Variants in CDHR4 observed in about 807,000 individuals in gnomAD.
CDHR4 encodes cadherin related family member 4.
A neutral mutation model predicts 88.4 loss-of-function variants in CDHR4; 89 were observed. That is an observed-to-expected ratio of 1.01 (90% CI 0.85 to 1.20). CDHR4 has a LOEUF of 1.20. CDHR4 is among the 50% of genes most tolerant of loss of function. CDHR4 has a pLI of 0.00. For missense variants in CDHR4, 914 were observed against 1,007.2 expected, an observed-to-expected ratio of 0.91 and a Z score of 1.25; for synonymous variants, 368 against 399.2, an observed-to-expected ratio of 0.92 and a Z score of 0.93.
At chr3:49,799,664 T>A in intron 1 of CDHR4, 100 bp downstream of exon 1, 1 of 1,347,582 alleles carries the variant, frequency 7.4e-7, no homozygotes, top group Non-Finnish European at 1.0e-6. Flanking sequence ...TCTTACACTT[T>A]CCTACCTCTC....
In CDHR4 at chr3:49,795,460, T is replaced by C. The variant is rs2108282947; in HGVS notation, c.848-81A>G. 1 of 1,507,596 alleles carries C rather than the reference T, an allele frequency of 6.6e-7. No homozygotes were observed. Among genetic ancestry groups the C allele is most frequent in the Non-Finnish European group, 8.9e-7 (1 of 1,123,522 alleles). 93.4% of individuals were successfully genotyped at this position (1,507,596 alleles called of 1,614,324 possible). ...CCGCCTCCCAGCTCAGTCCCACTCC[T>C]GCCAGCCCACCAGATCCATAGGCAA... On this transcript the variant is annotated intron_variant, in intron 7 of 18. Coordinates refer to ENST00000412678, the MANE Select transcript of CDHR4 (RefSeq NM_001007540.4). This position sits in a 1 kb window ranked among gnomAD's most constrained non-coding sequence, Gnocchi z 5.4.
upstream of CDHR4, among the ~76,000 whole-genome samples, chr3:49,801,919 C>T (rs2081366156): frequency 6.6e-6 from 1 of 152,190 alleles, no homozygotes; most frequent in Non-Finnish European, 1.5e-5. Flanking sequence ...CATTCCTGCT[C>T]AAAGGCCCCC....
In CDHR4 at chr3:49,799,779, CAA is replaced by C; in HGVS notation, c.32_33del (p.Phe11CysfsTer6). MVLLRLLVFL[F>X]APVVSDLCSL... The stretch of plus-strand genomic sequence containing the variant: ...ACCTCCTCACCAGAGACCACCGGAG[CAA>C]AGAGGAACACGAGGAGCCTGAGCAG... On this transcript the variant is annotated frameshift_variant, in exon 1 of 19. Transcript: ENST00000412678. LOFTEE classifies it high-confidence loss of function. 2 of 1,613,978 alleles carry C rather than the reference CAA, an allele frequency of 1.2e-6. No individual in the cohort carries two copies. Among genetic ancestry groups the C allele is most frequent in the Non-Finnish European group, 1.7e-6 (2 of 1,179,858 alleles).
At position 49,794,941 on chromosome 3, in the gene CDHR4, G is replaced by A; in HGVS notation, c.1185+6C>T. 1 of 1,551,654 alleles carries A rather than the reference G, an allele frequency of 6.4e-7. No homozygotes were observed. The highest frequency in any genetic ancestry group is 1.4e-5 in the African/African-American group (1 of 73,174). ...GCAAGTGGGTCTGGGAGCTGGGGCT[G>A]GGCACCTCAAGGACTCTGTCATAAA... is the stretch of plus-strand genomic sequence containing the variant. On this transcript the variant is annotated splice_donor_region_variant and intron_variant, in intron 9 of 18. Coordinates refer to ENST00000412678, the MANE Select transcript of CDHR4 (RefSeq NM_001007540.4).
Position 49,795,910 on chromosome 3 carries a change from C to A in CDHR4, c.710+33G>T. The A allele has an allele frequency of 6.6e-7, 1 of 1,518,504 alleles. No individual in the cohort carries two copies. The highest frequency in any genetic ancestry group is 1.3e-5 in the South Asian group (1 of 77,806). The allele number at this position is 1,518,504 out of a possible 1,614,324, so 94.1% of individuals were successfully genotyped here. ...CTGATTCCCTGGGGCTAGGCCCTTCCTCCCTCACTGTTCCAGGGTAGGGGA... is the reference window on the plus strand; with the variant it reads ...CTGATTCCCTGGGGCTAGGCCCTTCATCCCTCACTGTTCCAGGGTAGGGGA... On this transcript the variant is annotated intron_variant, in intron 6 of 18. Coordinates refer to ENST00000412678, the MANE Select transcript of CDHR4 (RefSeq NM_001007540.4). The surrounding 1 kb of genome is among the most constrained non-coding windows in gnomAD (Gnocchi z 5.4).
rs577730415 is a variant in CDHR4, at chr3:49,791,478, G to GAA, written c.2284-12_2284-11dup. On this transcript the variant is annotated splice_polypyrimidine_tract_variant and intron_variant, in intron 17 of 18. Transcript: ENST00000412678. ...CTCTGCCATCAAAATGCTGCTGAGG[G>GAA]AAAAAAAAAAAAGATGCAATGAATT... 113 of 1,322,410 alleles carry GAA rather than the reference G, an allele frequency of 8.5e-5. No homozygotes were observed. The East Asian group carries it at 1.2e-3, about 15-fold the overall frequency. 81.9% of individuals were successfully genotyped at this position (1,322,410 alleles called of 1,614,324 possible).
At chr3:49,796,446 C>T (rs920924672) in intron 5 of CDHR4, among the ~76,000 whole-genome samples, 2 of 152,064 alleles carry the variant, frequency 1.3e-5, no homozygotes, top group Non-Finnish European at 2.9e-5. Context: ...AAGCAATTCT[C>T]CTGCCTCAGC....
Position 49,799,334 on chromosome 3 carries a change from G to A in CDHR4, c.153C>T (p.Pro51=). Reference sequence around the variant, plus strand: ...GCTGGACATTGAGCAACTCCAGGGTGGGTGTGGGCGTGTAGGAGGAGCAGT... The same window carrying A: ...GCTGGACATTGAGCAACTCCAGGGTAGGTGTGGGCGTGTAGGAGGAGCAGT... The part of the protein sequence containing the change: ...SFNCSSYTPT[P]TLELLNVQPP... The change falls in exon 2 of 19, where the codon CCC becomes CCT. Residue 51 remains proline, a synonymous_variant. Transcript: ENST00000412678. The A allele has an allele frequency of 6.2e-7, 1 of 1,613,890 alleles. No individual in the cohort carries two copies. Among genetic ancestry groups the A allele is most frequent in the Non-Finnish European group, 8.5e-7 (1 of 1,179,854 alleles).
rs1480677669 is a variant in CDHR4 at position 49,793,704 on chromosome 3, C to T, written c.1502G>A (p.Gly501Glu). The T allele has an allele frequency of 6.4e-7, 1 of 1,551,732 alleles. No homozygotes were observed. Residue 501 changes from glycine to glutamate, a missense_variant, in exon 12 of 19, where the codon GGA becomes GAA. Physicochemically the swap from Gly to Glu is moderately conservative, Grantham distance 98. Transcript: ENST00000412678. ...DRLSGEVHLL[G>E]PLDYEQQRLY... ...CCTCTGCTGCTCATAGTCCAAAGGTCCCAGGAGGTGAACTTCCCCTAGAGG... is the reference window on the plus strand; with the variant it reads ...CCTCTGCTGCTCATAGTCCAAAGGTTCCAGGAGGTGAACTTCCCCTAGAGG...
chr3:49,797,740 C>T (rs574050215), intron 4 of CDHR4, among the ~76,000 whole-genome samples: 91 of 152,138 alleles, frequency 6.0e-4, no homozygotes, highest in African/African-American at 2.1e-3. Context: ...CCTCGGCCTC[C>T]CAAAATGCGG....
At chr3:49,791,603 A>T in intron 17 of CDHR4, 111 bp downstream of exon 17, 1 of 1,471,954 alleles carries the variant, frequency 6.8e-7, no homozygotes, top group Non-Finnish European at 9.2e-7. Context: ...GCATTTCCAC[A>T]AGGATACCCA....
At chr3:49,792,425 G>C in intron 15 of CDHR4, 43 bp downstream of exon 15, 1 of 1,548,704 alleles carries the variant, frequency 6.5e-7, no homozygotes, top group Non-Finnish European at 8.7e-7. Context: ...GGGTCCATAG[G>C]TGGGTTGGGG....
At position 49,795,186 on chromosome 3, in the gene CDHR4, G is replaced by A. The variant is rs1352607274; in HGVS notation, c.1031+10C>T. 1.3e-5 allele frequency: 20 copies of A among 1,551,600 alleles called. No individual in the cohort carries two copies. Among genetic ancestry groups the A allele is most frequent in the Non-Finnish European group, 1.7e-5 (19 of 1,146,956 alleles). On this transcript the variant is annotated intron_variant, in intron 8 of 18. Transcript: ENST00000412678. The surrounding 1 kb of genome is among the most constrained non-coding windows in gnomAD (Gnocchi z 5.4). Reference sequence around the variant, plus strand: ...CCCCAGCAGCCCAAGTATGGTTCCCGGGTACTCACACCAGAAGCGCTGGGA... The same window carrying A: ...CCCCAGCAGCCCAAGTATGGTTCCCAGGTACTCACACCAGAAGCGCTGGGA...
intron 18 of CDHR4, 75 bp from the exon 19 acceptor site, chr3:49,790,962 T>A: frequency 8.3e-7 from 1 of 1,209,914 alleles, no homozygotes; most frequent in Non-Finnish European, 1.2e-6. Flanking sequence ...CCCCCTTACT[T>A]AAGGGTAGGA....
Position 49,792,790 on chromosome 3 carries a change from G to T in CDHR4, c.1995+64C>A, listed in dbSNP as rs879181173. On this transcript the variant is annotated intron_variant, in intron 14 of 18. Coordinates refer to ENST00000412678, the MANE Select transcript of CDHR4 (RefSeq NM_001007540.4). ...TCCCCATAGTTCCACCTGAAAAACT[G>T]GGTCTCCTCACTCTCCAAGGTCCAC... The T allele has an allele frequency of 1.8e-5, 27 of 1,469,342 alleles. No homozygotes were observed. In the Admixed American group the frequency reaches 5.9e-4, roughly 32 times the overall value. The allele number at this position is 1,469,342 out of a possible 1,614,324, so 91.0% of individuals were successfully genotyped here.
At position 49,795,146 on chromosome 3, in the gene CDHR4, G is replaced by A. The variant is rs1252257931; in HGVS notation, c.1032-46C>T. The A allele has an allele frequency of 5.8e-6, 9 of 1,551,464 alleles. No homozygotes were observed. Among genetic ancestry groups the A allele is most frequent in the Admixed American group, 2.0e-5 (1 of 50,990 alleles). ...CAAGGCAGGAGTCTGGCAGTACCCT[G>A]AGTCATGGCTCTGACCCCAGCAGCC... On this transcript the variant is annotated intron_variant, in intron 8 of 18. Coordinates refer to ENST00000412678, the MANE Select transcript of CDHR4 (RefSeq NM_001007540.4). This position sits in a 1 kb window ranked among gnomAD's most constrained non-coding sequence, Gnocchi z 5.4.
intron 5 of CDHR4, among the ~76,000 whole-genome samples, chr3:49,796,636 C>G (rs1432139921): frequency 6.6e-6 from 1 of 152,198 alleles, no homozygotes; most frequent in Non-Finnish European, 1.5e-5. Context: ...CTGTGCCTGG[C>G]CATTACCCAG....
At chr3:49,797,908 CTTTTT>C (rs34937740) in intron 4 of CDHR4, among the ~76,000 whole-genome samples, 2 of 131,154 alleles carry the variant, frequency 1.5e-5, no homozygotes, top group Non-Finnish European at 1.6e-5. Flanking sequence ...TTTTTAAATA[CTTTTT>C]TTTTTTTTTT....
At position 49,799,070 on chromosome 3, in the gene CDHR4, C is replaced by T. The variant is rs1338522836; in HGVS notation, c.327G>A (p.Val109=). The part of the protein sequence containing the change: ...VQLKFTCGNH[V]MEGSLSVDVQ... ...CATCCACAGAGAGTGAGCCCTCCATCACATGGTTGCCACATGTGAACTTCA... is the reference window on the plus strand; with the variant it reads ...CATCCACAGAGAGTGAGCCCTCCATTACATGGTTGCCACATGTGAACTTCA... Residue 109 remains valine, a synonymous_variant, in exon 3 of 19, where the codon GTG becomes GTA. Coordinates refer to ENST00000412678, the MANE Select transcript of CDHR4 (RefSeq NM_001007540.4). The T allele has an allele frequency of 1.9e-6, 3 of 1,585,494 alleles. No homozygotes were observed. The highest frequency in any genetic ancestry group is 2.7e-5 in the African/African-American group (2 of 74,414).
Sources: gnomAD v4.1 joint callset for allele counts (sites outside exome capture counted in the v4.1 genomes callset) on GRCh38, gnomAD v4.1.1 for gene constraint, Gnocchi (gnomAD v3.1) non-coding constraint, MANE v1.5 for transcripts, NCBI Gene and HGNC (gene_info 2026-07-23, HGNC 2026-07-21) for gene names.